Variants in RPS6KC1 observed in about 807,000 individuals in gnomAD.
The protein encoded by RPS6KC1 is ribosomal protein S6 kinase C1, also known as inactive ribosomal protein S6 kinase delta-1.
RPS6KC1 carries 54 observed loss-of-function variants against 103.8 expected under a neutral mutation model. The observed-to-expected ratio is 0.52, with a 90% CI of 0.42 to 0.65. RPS6KC1 has a LOEUF of 0.65. RPS6KC1 is among the 30% of genes least tolerant of loss of function. The pLI is 0.00. For synonymous variants in RPS6KC1, 439 were observed against 438.7 expected (o/e 1.00, Z -0.01); for missense variants, 1,151 against 1,253.8 (o/e 0.92, Z 1.24).
chr1:213,785,078 C>A, the RPS6KC1 span, among the ~76,000 whole-genome samples: 3 of 152,148 alleles, frequency 2.0e-5, no homozygotes, highest in Non-Finnish European at 2.9e-5. Flanking sequence ...TGAAATAAGC[C>A]AAACACACTT....
At chr1:213,776,898 T>C in the RPS6KC1 span, among the ~76,000 whole-genome samples, 2 of 147,140 alleles carry the variant, frequency 1.4e-5, no homozygotes, top group Non-Finnish European at 3.0e-5. Flanking sequence ...TGATTCATAC[T>C]GTACTTTATT....
intron 5 of RPS6KC1, chr1:213,125,626 T>TTGTGTGTGTGTG (rs5780709): frequency 2.7e-4 from 39 of 145,814 alleles, no homozygotes; most frequent in African/African-American, 8.8e-4. Flanking sequence ...TTTTATCTGC[T>TTGTGTGTGTGTG]TGTGTGTGTG....
chr1:213,454,728 T>C, the RPS6KC1 span, among the ~76,000 whole-genome samples: 1 of 152,232 alleles, frequency 6.6e-6, no homozygotes, highest in Non-Finnish European at 1.5e-5. Flanking sequence ...TAATCAGAAC[T>C]GCACCTGAAT....
the RPS6KC1 span, among the ~76,000 whole-genome samples, chr1:213,604,820 G>T: frequency 6.6e-6 from 1 of 152,204 alleles, no homozygotes; most frequent in Non-Finnish European, 1.5e-5. Flanking sequence ...AAGGAAGAGA[G>T]ATAGTGGGGC....
chr1:213,140,874 A>G (rs1215554735), intron 6 of RPS6KC1, among the ~76,000 whole-genome samples: 2 of 134,874 alleles, frequency 1.5e-5, no homozygotes, highest in Non-Finnish European at 3.1e-5. Flanking sequence ...GAATAGTTTC[A>G]GTAGGATTGG....
chr1:213,207,616 C>T lies in RPS6KC1; in HGVS notation c.1045-22881C>T, dbSNP rs563127101. On this transcript the variant is annotated intron_variant, in intron 8 of 14. Transcript: ENST00000366960. ...TCAGTCATTTGTCCCTTCTTAGAGT[C>T]TCATATTTTGTGTGGCTCCCCTGCA... Among the ~76,000 whole-genome samples, 20 of 152,114 alleles carry T rather than the reference C, an allele frequency of 1.3e-4. No homozygotes were observed. In the South Asian group the frequency reaches 3.9e-3, roughly 30 times the overall value.
At chr1:213,265,039 A>G (rs1036384922) in intron 14 of RPS6KC1, among the ~76,000 whole-genome samples, 2 of 152,202 alleles carry the variant, frequency 1.3e-5, no homozygotes, top group Non-Finnish European at 2.9e-5. Flanking sequence ...GGTCAGTTTT[A>G]AGAAATTATG....
intron 6 of RPS6KC1, among the ~76,000 whole-genome samples, chr1:213,152,059 C>A (rs1453073797): frequency 1.4e-5 from 2 of 142,542 alleles, no homozygotes; most frequent in South Asian, 2.2e-4. Flanking sequence ...GGGGGGCTAA[C>A]CCCCCCACCT....
At chr1:213,154,869 T>G (rs1404669263) in intron 6 of RPS6KC1, among the ~76,000 whole-genome samples, 1 of 151,356 alleles carries the variant, frequency 6.6e-6, no homozygotes, top group African/African-American at 2.4e-5. Context: ...TGAGTCTCAC[T>G]TAAAGTCTGC....
At chr1:213,259,956 C>G (rs1474916833) in intron 12 of RPS6KC1, among the ~76,000 whole-genome samples, 1 of 152,008 alleles carries the variant, frequency 6.6e-6, no homozygotes, top group East Asian at 1.9e-4. Flanking sequence ...CCAGGCTGGT[C>G]CTGAACCTCT....
the RPS6KC1 span, among the ~76,000 whole-genome samples, chr1:213,631,122 G>T: frequency 6.6e-6 from 1 of 152,106 alleles, no homozygotes; most frequent in Non-Finnish European, 1.5e-5. Flanking sequence ...CCCTTTCTTT[G>T]ACTAGGAAAG....
chr1:213,427,396 A>G, the RPS6KC1 span, among the ~76,000 whole-genome samples: 1 of 152,166 alleles, frequency 6.6e-6, no homozygotes, highest in Non-Finnish European at 1.5e-5. Flanking sequence ...CACACCCTGT[A>G]TTTTATAACT....
chr1:213,681,845 G>C, the RPS6KC1 span, among the ~76,000 whole-genome samples: 1 of 152,066 alleles, frequency 6.6e-6, no homozygotes, highest in Non-Finnish European at 1.5e-5. Flanking sequence ...TAGAAGAGTT[G>C]AGCATTAAGA....
At position 213,232,210 on chromosome 1, in the gene RPS6KC1, A is replaced by G. The variant is rs769576259; in HGVS notation, c.1180A>G (p.Ile394Val). Residue 394 changes from isoleucine to valine, a missense_variant, in exon 10 of 15, where the codon ATC becomes GTC. By Grantham distance (29) the Ile-to-Val change is conservative. This residue lies in a region of RPS6KC1 where 959 missense variants were observed against 1,006.3 expected (regional missense o/e 0.95). Transcript: ENST00000366960. The stretch of plus-strand genomic sequence containing the variant: ...CAACATGGTGTGTCTGCATAAGTAC[A>G]TCATCTCTGAGGAGTCAGTATTTCT... ...VPNMVCLHKY[I>V]ISEESVFLVL... is the part of the protein sequence containing the mutation. 10 of 1,613,916 alleles carry G rather than the reference A, an allele frequency of 6.2e-6. No individual in the cohort carries two copies. The African/African-American group carries it at 8.0e-5, about 13-fold the overall frequency.
chr1:213,226,087 G>C (rs2093954663), intron 8 of RPS6KC1, among the ~76,000 whole-genome samples: 1 of 152,086 alleles, frequency 6.6e-6, no homozygotes, highest in Non-Finnish European at 1.5e-5. Context: ...GCTGGGTGTG[G>C]TGGCGGGCGC....
intron 10 of RPS6KC1, among the ~76,000 whole-genome samples, chr1:213,239,432 A>C (rs1180636503): frequency 6.6e-6 from 1 of 152,176 alleles, no homozygotes; most frequent in Non-Finnish European, 1.5e-5. Context: ...ATATTATGAC[A>C]ATTAGCCTTT....
At chr1:213,450,570 G>T in the RPS6KC1 span, among the ~76,000 whole-genome samples, 1 of 152,062 alleles carries the variant, frequency 6.6e-6, no homozygotes, top group African/African-American at 2.4e-5. Flanking sequence ...GACCAATCAA[G>T]GTTCCTCTTA....
the RPS6KC1 span, among the ~76,000 whole-genome samples, chr1:213,298,287 G>T: frequency 1.1e-4 from 17 of 152,260 alleles, no homozygotes; most frequent in Middle Eastern, 3.4e-3. Context: ...TGATAGTTTG[G>T]CTTGGTATAG....
At chr1:213,492,982 A>G in the RPS6KC1 span, among the ~76,000 whole-genome samples, 1 of 152,198 alleles carries the variant, frequency 6.6e-6, no homozygotes. Flanking sequence ...TGAATAAAAG[A>G]AGACTCAAGG....
Sources: gnomAD v4.1 joint callset for allele counts (sites outside exome capture counted in the v4.1 genomes callset) on GRCh38, gnomAD v4.1.1 for gene constraint, gnomAD v4.1.1 regional missense constraint, MANE v1.5 for transcripts, NCBI Gene and HGNC (gene_info 2026-07-23, HGNC 2026-07-21) for gene names.